CPOX: variants seen among roughly 807,000 people sequenced by gnomAD.
CPOX encodes the protein oxygen-dependent coproporphyrinogen-III oxidase, mitochondrial.
Under a neutral mutation model 48.9 loss-of-function variants are expected in CPOX, and 24 were observed. The ratio of observed to expected loss-of-function variants is 0.49; its 90% CI spans 0.36 to 0.69. The LOEUF (loss-of-function observed/expected upper bound fraction) is 0.69, where lower values mean the gene tolerates loss of function less well. Ranked by LOEUF, CPOX falls within the 30% of genes least tolerant of loss-of-function variation. The pLI, the probability that CPOX is intolerant of heterozygous loss-of-function variation, is 0.00. For missense variants in CPOX, 549 were observed against 597.3 expected, an observed-to-expected ratio of 0.92 and a Z score of 0.84; for synonymous variants, 249 against 234.6, an observed-to-expected ratio of 1.06 and a Z score of -0.56.
Position 98,579,877 on chromosome 3 carries a change from T to A in CPOX, c.*806A>T, listed in dbSNP as rs182586137. ...CCTAAATTCATGACATCCCTAGGAT[T>A]ATTCTTAGTCTCAACTTCCACACAG... On this transcript the variant is annotated 3_prime_UTR_variant, in exon 7 of 7. Coordinates refer to ENST00000647941, the MANE Select transcript of CPOX (RefSeq NM_000097.7). The A allele has an allele frequency of 1.0e-6, 1 of 985,326 alleles. No homozygotes were observed. Among genetic ancestry groups the A allele is most frequent in the Admixed American group, 6.1e-5 (1 of 16,292 alleles). 61.0% of individuals were successfully genotyped at this position (985,326 alleles called of 1,614,324 possible).
the CPOX span, among the ~76,000 whole-genome samples, chr3:98,574,122 C>T: frequency 7.9e-5 from 12 of 152,192 alleles, no homozygotes; most frequent in Non-Finnish European, 1.6e-4. Context: ...TCTCTAAATA[C>T]TGGTACAGGT....
chr3:98,585,268 C>T (rs1423643218), intron 5 of CPOX, among the ~76,000 whole-genome samples, 173 bp downstream of exon 5: 2 of 152,142 alleles, frequency 1.3e-5, no homozygotes, highest in African/African-American at 2.4e-5. Context: ...ATAAACTTTG[C>T]TATAATTATA....
chr3:98,579,684 T>C lies in CPOX; in HGVS notation c.*999A>G. On this transcript the variant is annotated 3_prime_UTR_variant, in exon 7 of 7. Coordinates refer to ENST00000647941, the MANE Select transcript of CPOX (RefSeq NM_000097.7). ...TAAGAATCCTGTTGTGATTTGCTCT[T>C]AAGAGCAAAGAGCTGCAGAATCTCT... The C allele has an allele frequency of 1.0e-6, 1 of 985,310 alleles. No individual in the cohort carries two copies. 61.0% of individuals were successfully genotyped at this position (985,310 alleles called of 1,614,324 possible). A position where few individuals can be genotyped will look rare whatever the true frequency, so the allele number is the denominator to read the frequency against.
chr3:98,582,652 T>C (rs1437642063), intron 5 of CPOX, among the ~76,000 whole-genome samples: 4 of 152,078 alleles, frequency 2.6e-5, no homozygotes, highest in South Asian at 2.1e-4. Context: ...CCACCATGAC[T>C]GGCTAATTTT....
downstream of CPOX, among the ~76,000 whole-genome samples, chr3:98,577,537 A>C (rs1160328066): frequency 6.6e-6 from 1 of 152,172 alleles, no homozygotes; most frequent in African/African-American, 2.4e-5. Context: ...AGTCCAATCT[A>C]TTTCGTGGTT....
the CPOX span, among the ~76,000 whole-genome samples, chr3:98,571,629 A>G: frequency 6.7e-6 from 1 of 148,214 alleles, no homozygotes; most frequent in Admixed American, 6.8e-5. Context: ...CGGAGCTTGC[A>G]GTGAGCCGAG....
chr3:98,573,979 G>C, the CPOX span, among the ~76,000 whole-genome samples: 1 of 152,094 alleles, frequency 6.6e-6, no homozygotes, highest in Non-Finnish European at 1.5e-5. Context: ...TCTGCCCCCA[G>C]TTCGGTCTGT....
chr3:98,580,805 T>TA, intron 6 of CPOX, 35 bp from the exon 7 acceptor site: 2 of 1,603,936 alleles, frequency 1.2e-6, no homozygotes, highest in East Asian at 2.2e-5. Context: ...AAAAACGTCA[T>TA]AAAAAATGAC....
At chr3:98,575,803 C>T (rs927541835), downstream of CPOX, among the ~76,000 whole-genome samples, 1 of 151,134 alleles carries the variant, frequency 6.6e-6, no homozygotes, top group African/African-American at 2.4e-5. Context: ...TGTGCTGGCT[C>T]ATGCCTGTAA....
chr3:98,581,997 T>G (rs1201756246), intron 5 of CPOX, among the ~76,000 whole-genome samples: 2 of 152,222 alleles, frequency 1.3e-5, no homozygotes, highest in Non-Finnish European at 2.9e-5. Context: ...AACAATAATC[T>G]ATTAATAATG....
Position 98,593,025 on chromosome 3 carries a change from C to T in CPOX, c.480G>A (p.Gln160=). 1 of 1,613,994 alleles carries T rather than the reference C, an allele frequency of 6.2e-7. No individual in the cohort carries two copies. Residue 160 remains glutamine (Q), a synonymous_variant, in exon 1 of 7, where the codon CAG becomes CAA. Coordinates refer to ENST00000647941, the MANE Select transcript of CPOX (RefSeq NM_000097.7). The stretch of plus-strand genomic sequence containing the variant: ...GTGCCAGAGCCTGGCACACCTGGGC[C>T]TGGGTCTCCAGAATCAGCAGCTCCA... ...TKMELLILET[Q]AQVCQALAQV...
chr3:98,573,993 G>A, the CPOX span, among the ~76,000 whole-genome samples: 1 of 152,062 alleles, frequency 6.6e-6, no homozygotes. Flanking sequence ...GGTCTGTGAT[G>A]CTCTTTTATT....
At chr3:98,576,283 CA>C (rs1406034543), downstream of CPOX, among the ~76,000 whole-genome samples, 1 of 152,144 alleles carries the variant, frequency 6.6e-6, no homozygotes, top group Non-Finnish European at 1.5e-5. Context: ...ACCTTCTTCA[CA>C]AGGCAGCAGG....
At chr3:98,586,822 T>C (rs1707373305) in intron 4 of CPOX, among the ~76,000 whole-genome samples, 1 of 152,130 alleles carries the variant, frequency 6.6e-6, no homozygotes, top group South Asian at 2.1e-4. Flanking sequence ...TGGGCACCTG[T>C]AGTCCCAGCT....
At chr3:98,587,711 G>A (rs1707391765) in intron 4 of CPOX, among the ~76,000 whole-genome samples, 1 of 151,626 alleles carries the variant, frequency 6.6e-6, no homozygotes, top group African/African-American at 2.4e-5. Context: ...GTTAAATTTC[G>A]ACATGAGTTT....
intron 4 of CPOX, among the ~76,000 whole-genome samples, chr3:98,587,731 C>T (rs1263527446): frequency 6.6e-6 from 1 of 151,712 alleles, no homozygotes; most frequent in Non-Finnish European, 1.5e-5. Flanking sequence ...TTGGAGGGAA[C>T]AAATATTCAA....
At chr3:98,581,342 A>G (rs1576297629) in intron 6 of CPOX, 65 bp downstream of exon 6, 1 of 1,168,578 alleles carries the variant, frequency 8.6e-7, no homozygotes, top group South Asian at 1.2e-5. Flanking sequence ...GTTAACTTTC[A>G]TATTTTGTGG....
the CPOX span, among the ~76,000 whole-genome samples, chr3:98,570,548 C>T: frequency 2.6e-5 from 4 of 152,134 alleles, no homozygotes; most frequent in African/African-American, 9.6e-5. Flanking sequence ...AATTTAAATA[C>T]GTGGGAAAAA....
chr3:98,585,871 TTTC>T (rs1307616949), intron 4 of CPOX: 1 of 570,816 alleles, frequency 1.8e-6, no homozygotes, highest in Non-Finnish European at 3.2e-6. Flanking sequence ...CTCTTTTTCT[TTTC>T]TTTTCTTTTT....
Sources: allele counts gnomAD v4.1 joint callset (sites outside exome capture counted in the v4.1 genomes callset), GRCh38; gene constraint gnomAD v4.1.1; transcripts MANE v1.5; gene names NCBI Gene and HGNC (gene_info 2026-07-23, HGNC 2026-07-21).